Variants in LANCL1 observed in about 807,000 individuals in gnomAD.
LANCL1 encodes the protein glutathione S-transferase LANCL1.
A neutral mutation model predicts 50.6 loss-of-function variants in LANCL1; 50 were observed. That is an observed-to-expected ratio of 0.99 (90% CI 0.79 to 1.25). The LOEUF is 1.25. Among genes scored for constraint, LANCL1 ranks in the 50% most tolerant of loss-of-function variants. LANCL1 has a pLI of 0.00. For missense variants in LANCL1, 532 were observed against 480.7 expected, an observed-to-expected ratio of 1.11 and a Z score of -1.00; for synonymous variants, 188 against 178.6, an observed-to-expected ratio of 1.05 and a Z score of -0.42.
chr2:210,436,502 G>A (rs368048166), intron 7 of LANCL1, 110 bp from the exon 8 acceptor site: 8 of 1,027,338 alleles, frequency 7.8e-6, no homozygotes, highest in African/African-American at 4.8e-5. Flanking sequence ...GCAAGAAAGG[G>A]TAAAGGATTT....
intron 4 of LANCL1, among the ~76,000 whole-genome samples, chr2:210,444,610 A>G (rs1266629697): frequency 6.6e-6 from 1 of 152,234 alleles, no homozygotes; most frequent in East Asian, 1.9e-4. Context: ...AATTAGTTAA[A>G]TATGCAAATG....
rs369076325 is a variant in LANCL1 at position 210,436,423 on chromosome 2, C to T, written c.874-31G>A. 101 of 1,600,498 alleles carry T rather than the reference C, an allele frequency of 6.3e-5. 1 individual carries two copies. Among genetic ancestry groups the T allele is most frequent in the African/African-American group, 2.8e-4 (21 of 74,598 alleles). On this transcript the variant is annotated intron_variant, in intron 7 of 9. Coordinates refer to ENST00000450366, the MANE Select transcript of LANCL1 (RefSeq NM_006055.3). ...GAGGCAAAGGACACATTTTATTATACGGGATATAAAAGAAAGTTCCATTGA... is the reference window on the plus strand; with the variant it reads ...GAGGCAAAGGACACATTTTATTATATGGGATATAAAAGAAAGTTCCATTGA...
At position 210,453,592 on chromosome 2, in the gene LANCL1, A is replaced by T. The variant is rs190108049; in HGVS notation, c.407+1515T>A. On this transcript the variant is annotated intron_variant, in intron 4 of 9. Coordinates refer to ENST00000450366, the MANE Select transcript of LANCL1 (RefSeq NM_006055.3). ...TAAAATGTGGCTGCATGTATTATGG[A>T]AAGGCTGGCATTATATATAGAATAT... Among the ~76,000 whole-genome samples the T allele has an allele frequency of 1.7e-4, 26 of 152,366 alleles. 1 individual carries two copies. The East Asian group carries it at 3.3e-3, about 19-fold the overall frequency.
chr2:210,442,351 T>C (rs59537642), intron 4 of LANCL1, among the ~76,000 whole-genome samples: 3,277 of 152,294 alleles, frequency 0.022, 108 homozygotes, highest in African/African-American at 0.075. Context: ...AGCATAAATA[T>C]ACATATGTAT....
intron 3 of LANCL1, among the ~76,000 whole-genome samples, chr2:210,459,287 G>T (rs1471561536): frequency 6.6e-6 from 1 of 151,812 alleles, no homozygotes; most frequent in Non-Finnish European, 1.5e-5. Flanking sequence ...ATATACAAAA[G>T]TCAACTCAAA....
intron 4 of LANCL1, among the ~76,000 whole-genome samples, chr2:210,454,245 C>G (rs1400185445): frequency 7.5e-6 from 1 of 133,498 alleles, no homozygotes; most frequent in Non-Finnish European, 1.6e-5. Context: ...CACACACACA[C>G]ACACACACAC....
rs1165116141 is a variant in LANCL1, at chr2:210,441,397, G to A, written c.454C>T (p.Leu152Phe). The change falls in exon 5 of 10, where the codon CTC (leucine) becomes TTC (phenylalanine). Residue 152 changes from leucine to phenylalanine, a missense_variant. Physicochemically the swap from Leu to Phe is conservative, Grantham distance 22 (BLOSUM62 0). Coordinates refer to ENST00000450366, the MANE Select transcript of LANCL1 (RefSeq NM_006055.3). ...KIDPHAPNEM[L>F]YGRIGYIYAL... is the part of the protein sequence containing the mutation. ...TAGATGTAGCCTATTCGCCCATAGA[G>A]CATTTCATTTGGAGCATGAGGATCA... 4 of 1,611,682 alleles carry A rather than the reference G, an allele frequency of 2.5e-6. No individual in the cohort carries two copies. In the African/African-American group the frequency reaches 4.0e-5, roughly 16 times the overall value.
intron 5 of LANCL1, 125 bp from the exon 6 acceptor site, chr2:210,440,869 G>A: frequency 1.3e-6 from 1 of 797,778 alleles, no homozygotes. Flanking sequence ...TTATAGCCAG[G>A]GAAAGGCACA....
chr2:210,460,629 A>C (rs1378695512), intron 3 of LANCL1: 1 of 152,222 alleles, frequency 6.6e-6, no homozygotes, highest in East Asian at 1.9e-4. Context: ...TTCTTCAACA[A>C]AATCACATTT....
chr2:210,440,828 T>C lies in LANCL1; in HGVS notation c.544-84A>G, dbSNP rs1190388804. The C allele has an allele frequency of 9.5e-6, 12 of 1,259,758 alleles. No homozygotes were observed. The East Asian group carries it at 3.0e-4, about 31-fold the overall frequency. The allele number at this position is 1,259,758 out of a possible 1,614,324, so 78.0% of individuals were successfully genotyped here. On this transcript the variant is annotated intron_variant, in intron 5 of 9. Transcript: ENST00000450366. ...AGGTAAAGACTTTTTTGCTAAGAGGTACTGGGGAACATGACAAATTAGACA... is the reference window on the plus strand; with the variant it reads ...AGGTAAAGACTTTTTTGCTAAGAGGCACTGGGGAACATGACAAATTAGACA...
At chr2:210,476,171 A>C in intron 2 of LANCL1, 145 bp downstream of exon 2, 1 of 568,130 alleles carries the variant, frequency 1.8e-6, no homozygotes, top group Middle Eastern at 4.0e-4. Context: ...ATATATTAAC[A>C]TGTATTTTTA....
chr2:210,476,762 C>T, upstream of LANCL1: 1 of 1,029,394 alleles, frequency 9.7e-7, no homozygotes, highest in Non-Finnish European at 1.2e-6. Flanking sequence ...ATTTTACCGC[C>T]CAGTTCCTGC....
At chr2:210,473,416 C>G (rs1694276080) in intron 2 of LANCL1, among the ~76,000 whole-genome samples, 1 of 152,142 alleles carries the variant, frequency 6.6e-6, no homozygotes, top group African/African-American at 2.4e-5. Flanking sequence ...AAAAAACTCA[C>G]TTTATTGTCT....
intron 6 of LANCL1, among the ~76,000 whole-genome samples, chr2:210,438,221 A>C (rs1574413356): frequency 7.4e-6 from 1 of 135,694 alleles, no homozygotes; most frequent in Non-Finnish European, 1.5e-5. Flanking sequence ...TGCAACCTCC[A>C]CCTCCCGGGT....
intron 3 of LANCL1, chr2:210,460,775 T>C (rs1693830119): frequency 6.6e-6 from 1 of 152,214 alleles, no homozygotes; most frequent in South Asian, 2.1e-4. Flanking sequence ...AATACTCCAG[T>C]GCTTTCACAG....
intron 3 of LANCL1, among the ~76,000 whole-genome samples, chr2:210,469,399 A>T (rs1007614392): frequency 2.2e-4 from 34 of 152,184 alleles, no homozygotes; most frequent in Non-Finnish European, 1.3e-4. Flanking sequence ...TTACTTATCA[A>T]AACACTGGAG....
chr2:210,459,662 G>T (rs1693784346), intron 3 of LANCL1, among the ~76,000 whole-genome samples: 1 of 152,072 alleles, frequency 6.6e-6, no homozygotes, highest in Non-Finnish European at 1.5e-5. Flanking sequence ...TTCCGTACAA[G>T]AAGTTCAGGA....
At chr2:210,446,878 T>C (rs758633616) in intron 4 of LANCL1, among the ~76,000 whole-genome samples, 8 of 152,190 alleles carry the variant, frequency 5.3e-5, no homozygotes, top group African/African-American at 1.7e-4. Context: ...CTACATTTGC[T>C]GTACCTGAAA....
At chr2:210,442,586 A>C (rs751091342) in intron 4 of LANCL1, 11 of 152,192 alleles carry the variant, frequency 7.2e-5, no homozygotes, top group Non-Finnish European at 1.6e-4. Context: ...CTCCCTCAAA[A>C]TGTGGCTCTA....
Sources: gnomAD v4.1 joint callset for allele counts (sites outside exome capture counted in the v4.1 genomes callset) on GRCh38, gnomAD v4.1.1 for gene constraint, MANE v1.5 for transcripts, NCBI Gene and HGNC (gene_info 2026-07-23, HGNC 2026-07-21) for gene names.